Variants in CNTN5 observed in about 807,000 individuals in gnomAD.
The protein encoded by CNTN5 is contactin 5, also known as contactin-5.
Under a neutral mutation model 129.1 loss-of-function variants are expected in CNTN5, and 77 were observed. The observed-to-expected ratio is 0.60, with a 90% confidence interval of 0.50 to 0.72. The LOEUF is 0.72. Among genes scored for constraint, CNTN5 ranks in the 30% least tolerant of loss-of-function variants. The pLI is 0.00. For missense variants in CNTN5, 1,478 were observed against 1,328.8 expected (o/e 1.11, Z -1.75); for synonymous variants, 509 against 465.6 (o/e 1.09, Z -1.20).
At chr11:99,444,337 G>T (rs1943970370) in intron 2 of CNTN5, among the ~76,000 whole-genome samples, 1 of 152,108 alleles carries the variant, frequency 6.6e-6, no homozygotes, top group African/African-American at 2.4e-5. Context: ...ATGAAGGAAA[G>T]AATAAAGAAA....
At chr11:99,107,024 C>A (rs1297083601) in intron 1 of CNTN5, among the ~76,000 whole-genome samples, 1 of 152,072 alleles carries the variant, frequency 6.6e-6, no homozygotes, top group East Asian at 1.9e-4. Context: ...AAAAATGTCA[C>A]CTTTGAAGGT....
At chr11:99,945,683 G>C (rs1950540296) in intron 7 of CNTN5, among the ~76,000 whole-genome samples, 1 of 151,898 alleles carries the variant, frequency 6.6e-6, no homozygotes, top group South Asian at 2.1e-4. Flanking sequence ...CTATAAACAA[G>C]CTCAAGACTG....
chr11:99,186,063 T>G (rs1172666129), intron 1 of CNTN5, among the ~76,000 whole-genome samples: 3 of 151,860 alleles, frequency 2.0e-5, no homozygotes, highest in Admixed American at 1.3e-4. Flanking sequence ...ATGTTACATA[T>G]TCTTTTAAAG....
chr11:99,971,373 T>C (rs1951246219), intron 8 of CNTN5, among the ~76,000 whole-genome samples: 1 of 151,822 alleles, frequency 6.6e-6, no homozygotes, highest in Admixed American at 6.6e-5. Flanking sequence ...TGAAACCCCA[T>C]CTCTACTAAA....
chr11:100,036,404 T>G (rs1274256110), intron 9 of CNTN5, among the ~76,000 whole-genome samples: 1 of 152,010 alleles, frequency 6.6e-6, no homozygotes, highest in Non-Finnish European at 1.5e-5. Flanking sequence ...GGTAGCGTGA[T>G]GCCTCCAGCT....
At chr11:99,044,142 A>G (rs184805987) in intron 1 of CNTN5, among the ~76,000 whole-genome samples, 165 of 152,336 alleles carry the variant, frequency 1.1e-3, no homozygotes, top group African/African-American at 3.8e-3. Context: ...TGCACATAAA[A>G]GATTATTACA....
At chr11:99,062,535 C>CAGA (rs573525898) in intron 1 of CNTN5, among the ~76,000 whole-genome samples, 113 of 152,126 alleles carry the variant, frequency 7.4e-4, no homozygotes, top group Middle Eastern at 3.4e-3. Context: ...ACTTCTCTAC[C>CAGA]AGAAGTATTG....
intron 1 of CNTN5, among the ~76,000 whole-genome samples, chr11:99,175,719 C>T (rs1023892834): frequency 6.6e-6 from 1 of 152,046 alleles, no homozygotes; most frequent in Non-Finnish European, 1.5e-5. Flanking sequence ...ATTAGATAAA[C>T]TGCAAAAATT....
intron 3 of CNTN5, among the ~76,000 whole-genome samples, chr11:99,674,292 C>A (rs1953175920): frequency 2.2e-5 from 1 of 45,760 alleles, no homozygotes; most frequent in African/African-American, 7.0e-5. Context: ...CTTGGCCCAC[C>A]TTTTGATGGT....
At chr11:100,296,276 C>T (rs1011275451) in intron 18 of CNTN5, among the ~76,000 whole-genome samples, 4 of 151,492 alleles carry the variant, frequency 2.6e-5, no homozygotes, top group African/African-American at 9.7e-5. Flanking sequence ...TAATACGTAA[C>T]TCAATAAATG....
intron 13 of CNTN5, among the ~76,000 whole-genome samples, chr11:100,097,490 T>G (rs920862370): frequency 6.6e-6 from 1 of 151,922 alleles, no homozygotes; most frequent in Non-Finnish European, 1.5e-5. Context: ...TTAGCAAAAG[T>G]GAAAAAAACA....
intron 3 of CNTN5, among the ~76,000 whole-genome samples, chr11:99,751,574 C>A (rs749328097): frequency 6.6e-6 from 1 of 152,056 alleles, no homozygotes; most frequent in Non-Finnish European, 1.5e-5. Flanking sequence ...TAAAACATTC[C>A]GTGCATAGTA....
At chr11:99,213,348 T>C (rs11606006) in intron 1 of CNTN5, among the ~76,000 whole-genome samples, 19,388 of 129,176 alleles carry the variant, frequency 0.15, 1,582 homozygotes, top group Middle Eastern at 0.29. Context: ...ATATAAAATA[T>C]TATATATGTG....
intron 3 of CNTN5, among the ~76,000 whole-genome samples, chr11:99,560,375 C>T (rs953967714): frequency 2.6e-5 from 4 of 151,648 alleles, no homozygotes; most frequent in Admixed American, 1.3e-4. Context: ...TCACTGCCAT[C>T]TCTGCCTCCG....
At chr11:100,123,612 T>G (rs1946094008) in intron 13 of CNTN5, among the ~76,000 whole-genome samples, 1 of 152,020 alleles carries the variant, frequency 6.6e-6, no homozygotes, top group Non-Finnish European at 1.5e-5. Context: ...ATGAAGACAG[T>G]TTTTGTAGTC....
At chr11:100,259,122 C>CAA (rs200719440) in intron 17 of CNTN5, among the ~76,000 whole-genome samples, 2 of 150,530 alleles carry the variant, frequency 1.3e-5, no homozygotes, top group Admixed American at 1.3e-4. Context: ...AAATGAAGAG[C>CAA]AAAAAAAAGC....
chr11:99,158,523 A>AT (rs1462434897), intron 1 of CNTN5, among the ~76,000 whole-genome samples: 15 of 152,034 alleles, frequency 9.9e-5, no homozygotes, highest in South Asian at 2.1e-4. Context: ...CTTTTCCTGA[A>AT]TTTTTTGACT....
chr11:99,370,526 G>A (rs970235903), intron 2 of CNTN5, among the ~76,000 whole-genome samples: 1 of 152,164 alleles, frequency 6.6e-6, no homozygotes, highest in African/African-American at 2.4e-5. Context: ...AGCAATTCAA[G>A]TGTTCGTGCT....
intron 3 of CNTN5, among the ~76,000 whole-genome samples, chr11:99,736,011 TTCTC>T (rs1212604335): frequency 6.8e-6 from 1 of 147,696 alleles, no homozygotes; most frequent in South Asian, 2.1e-4. Flanking sequence ...TTCTTTTTCT[TTCTC>T]TTTTTTTTCT....
Sources: allele counts gnomAD v4.1 joint callset (sites outside exome capture counted in the v4.1 genomes callset), GRCh38; gene constraint gnomAD v4.1.1; transcripts MANE v1.5; gene names NCBI Gene and HGNC (gene_info 2026-07-23, HGNC 2026-07-21).